SEZ6L: variants seen among roughly 807,000 people sequenced by gnomAD.
SEZ6L encodes seizure 6-like protein.
In SEZ6L, 37 loss-of-function variants were observed where a neutral mutation model predicts 106.2. The observed-to-expected ratio is 0.35, with a 90% CI of 0.27 to 0.46. The LOEUF (loss-of-function observed/expected upper bound fraction) is 0.46. Among genes scored for constraint, SEZ6L ranks in the 20% least tolerant of loss-of-function variants. The pLI, the probability that SEZ6L is intolerant of heterozygous loss-of-function variation, is 1.00. For missense variants in SEZ6L, 1,172 were observed against 1,332.8 expected (o/e 0.88, Z 1.88); for synonymous variants, 541 against 570.4 (o/e 0.95, Z 0.73).
intron 1 of SEZ6L, among the ~76,000 whole-genome samples, chr22:26,273,401 C>T (rs1233503155): frequency 1.3e-5 from 2 of 152,270 alleles, no homozygotes; most frequent in Non-Finnish European, 2.9e-5. Context: ...TATGCTTCCC[C>T]AAGCCCCAAA....
intron 1 of SEZ6L, among the ~76,000 whole-genome samples, chr22:26,208,063 C>T (rs6004959): frequency 0.015 from 2,221 of 152,026 alleles, 54 homozygotes; most frequent in African/African-American, 0.051. Context: ...GCGCGCGCCA[C>T]CATGCCCAGC....
intron 6 of SEZ6L, among the ~76,000 whole-genome samples, chr22:26,309,373 G>A (rs1043711408): frequency 2.0e-5 from 3 of 152,172 alleles, no homozygotes; most frequent in Non-Finnish European, 2.9e-5. Flanking sequence ...GGGTCAGAAC[G>A]ACGTTATGGT....
At chr22:26,179,194 G>T (rs1233701653) in intron 1 of SEZ6L, among the ~76,000 whole-genome samples, 1 of 152,120 alleles carries the variant, frequency 6.6e-6, no homozygotes, top group African/African-American at 2.4e-5. Flanking sequence ...CTCTAGACCA[G>T]CCTGGGCAAC....
intron 1 of SEZ6L, among the ~76,000 whole-genome samples, chr22:26,187,218 C>T (rs901678680): frequency 2.0e-5 from 3 of 152,202 alleles, no homozygotes; most frequent in African/African-American, 7.2e-5. Flanking sequence ...ACATGTCCTT[C>T]TTCACATGGT....
chr22:26,292,218 G>C (rs2081148147), intron 1 of SEZ6L, 188 bp from the exon 2 acceptor site: 1 of 542,860 alleles, frequency 1.8e-6, no homozygotes, highest in African/African-American at 1.9e-5. Context: ...GAAGAAAAGA[G>C]AAAGAGGGAG....
intron 1 of SEZ6L, among the ~76,000 whole-genome samples, chr22:26,220,444 T>G (rs1206463048): frequency 6.6e-6 from 1 of 152,186 alleles, no homozygotes; most frequent in Non-Finnish European, 1.5e-5. Context: ...GTCCCCATTG[T>G]GCAGATGAGG....
In SEZ6L at chr22:26,199,354, G is replaced by C. The variant is rs376048837; in HGVS notation, c.94+29591G>C. Among the ~76,000 whole-genome samples the C allele has an allele frequency of 1.7e-4, 26 of 152,074 alleles. No homozygotes were observed. In the East Asian group the frequency reaches 1.7e-3, roughly 10 times the overall value. On this transcript the variant is annotated intron_variant, in intron 1 of 16. Transcript: ENST00000248933. ...TACCTTCTGGGCTAATCTTTAGTCT[G>C]TTTTTTTCAGAATAGAAAGCCTGGG...
chr22:26,370,468 C>T (rs975110758), intron 13 of SEZ6L, among the ~76,000 whole-genome samples: 3 of 152,096 alleles, frequency 2.0e-5, no homozygotes, highest in Non-Finnish European at 2.9e-5. Flanking sequence ...GTATCTGCCA[C>T]GGTAGCTTTT....
intron 9 of SEZ6L, among the ~76,000 whole-genome samples, chr22:26,332,130 A>C (rs900559620): frequency 1.2e-4 from 18 of 150,288 alleles, no homozygotes; most frequent in Non-Finnish European, 2.1e-4. Context: ...AAACAGCTGG[A>C]AGAGAGGATT....
At chr22:26,281,286 T>C (rs1053140640) in intron 1 of SEZ6L, among the ~76,000 whole-genome samples, 4 of 152,182 alleles carry the variant, frequency 2.6e-5, no homozygotes, top group Non-Finnish European at 5.9e-5. Context: ...TATGAGACCC[T>C]GTAGATAGTC....
chr22:26,240,094 A>ACT (rs1342153301), intron 1 of SEZ6L, among the ~76,000 whole-genome samples: 2,180 of 130,442 alleles, frequency 0.017, 40 homozygotes, highest in African/African-American at 0.052. Context: ...ACACACACTC[A>ACT]CACACACACA....
chr22:26,227,183 C>T (rs752270074), intron 1 of SEZ6L, among the ~76,000 whole-genome samples: 61 of 152,144 alleles, frequency 4.0e-4, no homozygotes, highest in Non-Finnish European at 7.5e-4. Context: ...GGAGAGAGCA[C>T]GGTCTTTGGA....
rs142976646 is a variant in SEZ6L, at chr22:26,218,196, G to A, written c.94+48433G>A. Among the ~76,000 whole-genome samples, 140 of 152,264 alleles carry A rather than the reference G, an allele frequency of 9.2e-4. No individual in the cohort carries two copies. The Middle Eastern group carries it at 0.014, about 15-fold the overall frequency. On this transcript the variant is annotated intron_variant, in intron 1 of 16. Coordinates refer to ENST00000248933, the MANE Select transcript of SEZ6L (RefSeq NM_021115.5). ...ATAAATACCCATTCATTATCCCTTT[G>A]CAACCCTAACCAAAGCCATCTGAAC...
chr22:26,251,911 C>G (rs927548053), intron 1 of SEZ6L, among the ~76,000 whole-genome samples: 1 of 152,208 alleles, frequency 6.6e-6, no homozygotes, highest in African/African-American at 2.4e-5. Flanking sequence ...CTGCTCCTCC[C>G]CATGCATCTC....
chr22:26,314,894 A>T (rs2081954173), intron 9 of SEZ6L, among the ~76,000 whole-genome samples: 2 of 152,218 alleles, frequency 1.3e-5, no homozygotes, highest in Admixed American at 1.3e-4. Context: ...CGGGGCTGAA[A>T]TTCAGGCTTC....
At position 26,221,263 on chromosome 22, in the gene SEZ6L, G is replaced by C. The variant is rs559640283; in HGVS notation, c.94+51500G>C. On this transcript the variant is annotated intron_variant, in intron 1 of 16. Transcript: ENST00000248933. ...GGTCTGTTCCAGCCCACAGAGACTG[G>C]TCTTTTTTCAAGCCTTGTAGTGTTC... Among the ~76,000 whole-genome samples the C allele has an allele frequency of 4.6e-5, 7 of 152,090 alleles. No individual in the cohort carries two copies. In the South Asian group the frequency reaches 1.0e-3, roughly 23 times the overall value.
chr22:26,363,288 G>C lies in SEZ6L; in HGVS notation c.2600-2084G>C, dbSNP rs118179979. ...AGCCCAAATGTAAGTCATGTTCACA[G>C]AGAAAAGGGTTCTAGCTGGGACCTA... On this transcript the variant is annotated intron_variant, in intron 12 of 16. Transcript: ENST00000248933. Among the ~76,000 whole-genome samples, 861 of 152,362 alleles carry C rather than the reference G, an allele frequency of 5.7e-3. 2 individuals carry two copies. Among genetic ancestry groups the C allele is most frequent in the Non-Finnish European group, 9.6e-3 (655 of 68,032 alleles).
At chr22:26,192,677 G>A (rs2145659456) in intron 1 of SEZ6L, among the ~76,000 whole-genome samples, 1 of 152,254 alleles carries the variant, frequency 6.6e-6, no homozygotes, top group South Asian at 2.1e-4. Flanking sequence ...CAGCTCTCAG[G>A]CATTTTCATG....
intron 1 of SEZ6L, among the ~76,000 whole-genome samples, chr22:26,197,555 CT>C (rs1212976471): frequency 6.6e-6 from 1 of 152,124 alleles, no homozygotes; most frequent in East Asian, 1.9e-4. Flanking sequence ...AAGGCATGAG[CT>C]TTCTATTATG....
Sources: gnomAD v4.1 joint callset for allele counts (sites outside exome capture counted in the v4.1 genomes callset) on GRCh38, gnomAD v4.1.1 for gene constraint, MANE v1.5 for transcripts, NCBI Gene and HGNC (gene_info 2026-07-23, HGNC 2026-07-21) for gene names.